IMMP2L: variants seen among roughly 807,000 people sequenced by gnomAD.
The protein encoded by IMMP2L is inner mitochondrial membrane peptidase subunit 2, also known as mitochondrial inner membrane protease subunit 2.
A neutral mutation model predicts 19.3 loss-of-function variants in IMMP2L; 18 were observed. The ratio of observed to expected loss-of-function variants is 0.93; its 90% CI spans 0.64 to 1.38. The LOEUF (loss-of-function observed/expected upper bound fraction) is 1.38, where lower values mean the gene tolerates loss of function less well. Ranked by LOEUF, IMMP2L falls within the 40% of genes most tolerant of loss-of-function variation. The pLI is 0.00. For synonymous variants in IMMP2L, 76 were observed against 73.0 expected (o/e 1.04, Z -0.21); for missense variants, 233 against 218.2 (o/e 1.07, Z -0.43).
rs532134190 is a variant in IMMP2L at position 111,021,234 on chromosome 7, C to T, written c.240-57669G>A. ...GGCAGACAAAACAGTTTCCATTATCCAGCTCATCTTTCCGCCCTTTCTCCC... is the reference window on the plus strand; with the variant it reads ...GGCAGACAAAACAGTTTCCATTATCTAGCTCATCTTTCCGCCCTTTCTCCC... On this transcript the variant is annotated intron_variant, in intron 3 of 5. Transcript: ENST00000405709. Among the ~76,000 whole-genome samples, 3 of 152,258 alleles carry T rather than the reference C, an allele frequency of 2.0e-5. No individual in the cohort carries two copies. In the East Asian group the frequency reaches 5.8e-4, roughly 29 times the overall value.
At chr7:111,470,082 C>A (rs1841091410) in intron 3 of IMMP2L, among the ~76,000 whole-genome samples, 1 of 152,132 alleles carries the variant, frequency 6.6e-6, no homozygotes, top group Non-Finnish European at 1.5e-5. Context: ...ACAGACACTT[C>A]TCAAAAGAAG....
At chr7:111,236,758 G>C (rs1814370491) in intron 3 of IMMP2L, among the ~76,000 whole-genome samples, 1 of 152,044 alleles carries the variant, frequency 6.6e-6, no homozygotes, top group Non-Finnish European at 1.5e-5. Flanking sequence ...ATTCACCTGG[G>C]TTCTCCTCCC....
At chr7:111,471,500 A>G (rs1158178227) in intron 3 of IMMP2L, among the ~76,000 whole-genome samples, 2 of 152,148 alleles carry the variant, frequency 1.3e-5, no homozygotes, top group Non-Finnish European at 2.9e-5. Context: ...CAACTAGTCC[A>G]AACTGAGATG....
chr7:111,524,104 A>C (rs1846609067), intron 1 of IMMP2L, among the ~76,000 whole-genome samples: 1 of 152,114 alleles, frequency 6.6e-6, no homozygotes, highest in East Asian at 1.9e-4. Context: ...CAAGATGCAA[A>C]AGATGCATTT....
intron 5 of IMMP2L, among the ~76,000 whole-genome samples, chr7:110,696,668 C>A (rs573055627): frequency 6.6e-6 from 1 of 152,004 alleles, no homozygotes; most frequent in Non-Finnish European, 1.5e-5. Flanking sequence ...TCAGGTAATC[C>A]GCAAACCTCA....
chr7:110,988,408 T>C (rs373951374), intron 3 of IMMP2L, among the ~76,000 whole-genome samples: 1 of 152,324 alleles, frequency 6.6e-6, no homozygotes, highest in East Asian at 1.9e-4. Context: ...AGATCTATAA[T>C]TGGTGCATAT....
chr7:111,392,913 G>A (rs1832508522), intron 3 of IMMP2L: 2 of 446,418 alleles, frequency 4.5e-6, no homozygotes, highest in Admixed American at 2.4e-5. Context: ...GGAGCTGGGG[G>A]GTCCCACCCA....
intron 3 of IMMP2L, among the ~76,000 whole-genome samples, chr7:111,286,087 GT>G (rs1820447625): frequency 6.6e-6 from 1 of 152,044 alleles, no homozygotes; most frequent in Non-Finnish European, 1.5e-5. Flanking sequence ...AGTACATACA[GT>G]ATAACACTAA....
At chr7:110,829,092 G>A (rs779699721) in intron 5 of IMMP2L, among the ~76,000 whole-genome samples, 2 of 152,220 alleles carry the variant, frequency 1.3e-5, no homozygotes, top group African/African-American at 4.8e-5. Context: ...CTGATCCTAT[G>A]AGATTGGCAA....
At position 111,431,593 on chromosome 7, in the gene IMMP2L, T is replaced by C. The variant is rs78143136; in HGVS notation, c.239+55645A>G. On this transcript the variant is annotated intron_variant, in intron 3 of 5. Transcript: ENST00000405709. ...TCTAATATTTGGGTGGATAGGTCCA[T>C]AATGCATATTAAAACAAAAAAGAGG... Among the ~76,000 whole-genome samples, 1,500 of 151,888 alleles carry C rather than the reference T, an allele frequency of 9.9e-3. 72 individuals carry two copies. The highest frequency in any genetic ancestry group is 0.035 in the African/African-American group (1,436 of 41,216).
intron 3 of IMMP2L, among the ~76,000 whole-genome samples, chr7:111,091,904 G>A (rs956124964): frequency 2.0e-5 from 3 of 151,954 alleles, no homozygotes; most frequent in African/African-American, 7.3e-5. Context: ...GGAGAGTCAC[G>A]GGTGATGGGG....
intron 3 of IMMP2L, among the ~76,000 whole-genome samples, chr7:111,324,686 A>T (rs1825120714): frequency 6.6e-6 from 1 of 152,060 alleles, no homozygotes; most frequent in Admixed American, 6.6e-5. Flanking sequence ...TCCCTAACAA[A>T]GGGAAAAAAA....
chr7:111,267,680 A>T (rs1817975886), intron 3 of IMMP2L, among the ~76,000 whole-genome samples: 1 of 152,160 alleles, frequency 6.6e-6, no homozygotes, highest in African/African-American at 2.4e-5. Context: ...TAATAGGGGT[A>T]ATATTTTTTT....
rs144375089 is a variant in IMMP2L at position 110,743,719 on chromosome 7, A to T, written c.409-79998T>A. Among the ~76,000 whole-genome samples the T allele has an allele frequency of 4.4e-4, 67 of 152,308 alleles. 1 individual carries two copies. The East Asian group carries it at 0.012, about 28-fold the overall frequency. On this transcript the variant is annotated intron_variant, in intron 5 of 5. Transcript: ENST00000405709. ...CTCCCTCTCCCAGCCAAGGGAAGCC[A>T]TTAGGGACTGTACTGTGCACTCTGG...
At chr7:111,006,271 A>G (rs1016660923) in intron 3 of IMMP2L, among the ~76,000 whole-genome samples, 1 of 152,182 alleles carries the variant, frequency 6.6e-6, no homozygotes, top group Non-Finnish European at 1.5e-5. Context: ...TCTTGACTCA[A>G]TGTGAAAAAG....
rs752881088 is a variant in IMMP2L, at chr7:110,740,748, T to TA, written c.409-77028dup. ...GCAAGAATGGCCATAATTTTAAAAATAAAAAAAAATAGAGTTGGCATGGAT... is the reference window on the plus strand; with the variant it reads ...GCAAGAATGGCCATAATTTTAAAAATAAAAAAAAAATAGAGTTGGCATGGAT... On this transcript the variant is annotated intron_variant, in intron 5 of 5. Transcript: ENST00000405709. Among the ~76,000 whole-genome samples, 13 of 150,572 alleles carry TA rather than the reference T, an allele frequency of 8.6e-5. No homozygotes were observed. In the East Asian group the frequency reaches 1.8e-3, roughly 20 times the overall value.
chr7:110,916,732 T>G (rs560702303), intron 4 of IMMP2L, among the ~76,000 whole-genome samples: 2 of 152,360 alleles, frequency 1.3e-5, no homozygotes, highest in African/African-American at 4.8e-5. Flanking sequence ...ATCAACTTGC[T>G]AATTTTATAT....
At chr7:110,676,196 A>G (rs1054198735) in intron 5 of IMMP2L, among the ~76,000 whole-genome samples, 1 of 152,214 alleles carries the variant, frequency 6.6e-6, no homozygotes, top group African/African-American at 2.4e-5. Context: ...TTATGTTTCC[A>G]TCTCTATAGC....
intron 3 of IMMP2L, among the ~76,000 whole-genome samples, chr7:111,298,589 A>G (rs1435926388): frequency 6.6e-6 from 1 of 151,962 alleles, no homozygotes; most frequent in East Asian, 1.9e-4. Context: ...ATCTCTACTA[A>G]AAACACACAA....
Sources: gnomAD v4.1 joint callset for allele counts (sites outside exome capture counted in the v4.1 genomes callset) on GRCh38, gnomAD v4.1.1 for gene constraint, MANE v1.5 for transcripts, NCBI Gene and HGNC (gene_info 2026-07-23, HGNC 2026-07-21) for gene names.